The following RFX7 variants were observed in gnomAD, a reference collection of about 807,000 sequenced individuals.
RFX7 encodes the protein DNA-binding protein RFX7.
A neutral mutation model predicts 111.8 loss-of-function variants in RFX7; 26 were observed. That is an observed-to-expected ratio of 0.23 (90% CI 0.17 to 0.32). RFX7 has a LOEUF of 0.32. RFX7 is among the 10% of genes least tolerant of loss of function. The probability of loss-of-function intolerance (pLI) is 1.00; values close to 1 mark genes in which losing one functional copy is unlikely to be tolerated. For synonymous variants in RFX7, 624 were observed against 624.4 expected (o/e 1.00, Z 0.01); for missense variants, 1,573 against 1,772.9 (o/e 0.89, Z 2.02).
chr15:56,180,554 T>C (rs2042958056), intron 2 of RFX7, among the ~76,000 whole-genome samples: 1 of 152,078 alleles, frequency 6.6e-6, no homozygotes, highest in South Asian at 2.1e-4. Flanking sequence ...ATATTAAGAA[T>C]TGCTGCTAAA....
At chr15:56,118,519 C>T (rs1177459987) in intron 5 of RFX7, among the ~76,000 whole-genome samples, 5 of 152,148 alleles carry the variant, frequency 3.3e-5, no homozygotes, top group African/African-American at 7.2e-5. Flanking sequence ...GCAAATGATA[C>T]GATCTCATTC....
chr15:56,152,183 C>G (rs12594103), intron 3 of RFX7, among the ~76,000 whole-genome samples: 1 of 152,068 alleles, frequency 6.6e-6, no homozygotes, highest in Non-Finnish European at 1.5e-5. Context: ...GACTTGAACT[C>G]GGCTCTGGAC....
intron 2 of RFX7, among the ~76,000 whole-genome samples, chr15:56,207,099 A>C (rs2043261379): frequency 1.3e-5 from 2 of 152,196 alleles, no homozygotes; most frequent in South Asian, 4.1e-4. Flanking sequence ...CTGTATCAAA[A>C]TATCTCATGT....
At chr15:56,131,253 A>C (rs369476058) in intron 5 of RFX7, among the ~76,000 whole-genome samples, 10 of 150,878 alleles carry the variant, frequency 6.6e-5, no homozygotes, top group Admixed American at 2.0e-4. Context: ...TCTAGAAATA[A>C]GAGATTATAT....
chr15:56,127,550 ATTTTT>A (rs71441430), intron 5 of RFX7, among the ~76,000 whole-genome samples: 15 of 141,396 alleles, frequency 1.1e-4, no homozygotes, highest in African/African-American at 3.4e-4. Flanking sequence ...TTTTGAAAAG[ATTTTT>A]TTTTTTTTTT....
chr15:56,180,704 G>A (rs1432149131), intron 2 of RFX7, among the ~76,000 whole-genome samples: 3 of 144,502 alleles, frequency 2.1e-5, no homozygotes, highest in Non-Finnish European at 4.5e-5. Flanking sequence ...TCAGGAGTTC[G>A]AGACCAGCTT....
chr15:56,146,968 T>C (rs1023142350), intron 3 of RFX7, among the ~76,000 whole-genome samples: 2 of 152,246 alleles, frequency 1.3e-5, no homozygotes, highest in Admixed American at 1.3e-4. Flanking sequence ...TGCTAATTAG[T>C]GGCTTCTGAA....
chr15:56,110,281 C>G (rs1192582697), intron 5 of RFX7, among the ~76,000 whole-genome samples: 1 of 104,444 alleles, frequency 9.6e-6, no homozygotes, highest in Non-Finnish European at 2.1e-5. Context: ...GGGGGTCAGC[C>G]CCCCGCCTGG....
At chr15:56,219,133 T>A (rs1254234933) in intron 2 of RFX7, among the ~76,000 whole-genome samples, 7 of 152,336 alleles carry the variant, frequency 4.6e-5, no homozygotes, top group African/African-American at 1.7e-4. Context: ...TTTAGTTAAA[T>A]CAGTTCTTAC....
chr15:56,123,019 G>A (rs931339205), intron 5 of RFX7, among the ~76,000 whole-genome samples: 4 of 151,916 alleles, frequency 2.6e-5, no homozygotes, highest in East Asian at 1.9e-4. Context: ...GCCTGGAATC[G>A]GGGACCCCAA....
chr15:56,095,314 A>G lies in RFX7; in HGVS notation c.2414T>C (p.Met805Thr), dbSNP rs772435799. Residue 805 changes from methionine to threonine, a missense_variant, in exon 10 of 10, where the codon ATG (methionine) becomes ACG (threonine). This residue lies in a region of RFX7 where 625 missense variants were observed against 632.2 expected (regional missense o/e 0.99). Transcript: ENST00000559447. The part of the protein sequence containing the change: ...SCEQQQDISV[M>T]TIPEHSDIND... The stretch of plus-strand genomic sequence containing the variant: ...GATATCAGAGTGCTCAGGAATTGTC[A>G]TAACACTGATATCTTGCTGTTGTTC... The G allele has an allele frequency of 1.9e-6, 3 of 1,613,996 alleles. No individual in the cohort carries two copies. The highest frequency in any genetic ancestry group is 1.3e-5 in the African/African-American group (1 of 75,060).
chr15:56,155,073 AAGATACCATCTCACGGCAGTT>A, intron 3 of RFX7, among the ~76,000 whole-genome samples: 1 of 152,286 alleles, frequency 6.6e-6, no homozygotes. Flanking sequence ...GAACCACAAT[AAGATACCATCTCACGGCAGTT>A]AGAATGGCGA....
At chr15:56,185,579 T>C (rs1406510168) in intron 2 of RFX7, among the ~76,000 whole-genome samples, 1 of 152,188 alleles carries the variant, frequency 6.6e-6, no homozygotes, top group Non-Finnish European at 1.5e-5. Context: ...TAAGACTACA[T>C]TCTATATAAA....
intron 5 of RFX7, among the ~76,000 whole-genome samples, chr15:56,121,024 C>T (rs1354796431): frequency 6.6e-6 from 1 of 152,144 alleles, no homozygotes; most frequent in Non-Finnish European, 1.5e-5. Context: ...AGTTTACACA[C>T]CACAATTACA....
chr15:56,226,103 A>T (rs944191137), intron 2 of RFX7, among the ~76,000 whole-genome samples: 1 of 152,158 alleles, frequency 6.6e-6, no homozygotes, highest in Admixed American at 6.5e-5. Context: ...GAGACAAAAT[A>T]GGAGGTTCTG....
chr15:56,109,536 C>A (rs2041881212), intron 5 of RFX7, among the ~76,000 whole-genome samples: 1 of 151,910 alleles, frequency 6.6e-6, no homozygotes, highest in Admixed American at 6.5e-5. Flanking sequence ...GCCCCTCTGC[C>A]TGGCTGCCCA....
Position 56,087,711 on chromosome 15 carries a change from C to A in RFX7, c.*5634G>T. 2.8e-6 allele frequency: 1 copy of A among 358,304 alleles called. No homozygotes were observed. The allele number at this position is 358,304 out of a possible 1,614,324, so 22.2% of individuals were successfully genotyped here. ...TAAGTATCCGCCTCTGCTATAGTGA[C>A]CTCATTGCATCCTGCAAAGACATTC... On this transcript the variant is annotated 3_prime_UTR_variant, in exon 10 of 10. Coordinates refer to ENST00000559447, the MANE Select transcript of RFX7 (RefSeq NM_022841.7).
chr15:56,206,502 C>CTA (rs1211540092), intron 2 of RFX7, among the ~76,000 whole-genome samples: 3 of 151,986 alleles, frequency 2.0e-5, no homozygotes, highest in Admixed American at 6.5e-5. Context: ...CCACTGCTAG[C>CTA]TATATAGCCC....
intron 2 of RFX7, among the ~76,000 whole-genome samples, chr15:56,241,720 TCACACACA>T (rs35506687): frequency 1.3e-5 from 2 of 150,756 alleles, no homozygotes; most frequent in Non-Finnish European, 3.0e-5. Flanking sequence ...CTGCTTTCTG[TCACACACA>T]CACACACACA....
Sources: allele counts gnomAD v4.1 joint callset (sites outside exome capture counted in the v4.1 genomes callset), GRCh38; gene constraint gnomAD v4.1.1; regional missense constraint gnomAD v4.1.1; transcripts MANE v1.5; gene names NCBI Gene and HGNC (gene_info 2026-07-23, HGNC 2026-07-21).